Variants in GRIN2B observed in about 807,000 individuals in gnomAD.
GRIN2B encodes the protein glutamate receptor ionotropic, NMDA 2B.
Under a neutral mutation model 114.5 loss-of-function variants are expected in GRIN2B, and 5 were observed. That is an observed-to-expected ratio of 0.04 (90% CI 0.02 to 0.09). The LOEUF (loss-of-function observed/expected upper bound fraction) is 0.09. GRIN2B is among the 10% of genes least tolerant of loss of function. GRIN2B has a pLI of 1.00. For missense variants in GRIN2B, 1,108 were observed against 1,943.5 expected (o/e 0.57, Z 8.08); for synonymous variants, 787 against 745.1 (o/e 1.06, Z -0.92).
At chr12:13,838,981 T>A (rs1338611149) in intron 3 of GRIN2B, among the ~76,000 whole-genome samples, 1 of 152,140 alleles carries the variant, frequency 6.6e-6, no homozygotes, top group East Asian at 1.9e-4. Flanking sequence ...CAGATAGCAG[T>A]CATTTAGCAA....
chr12:13,908,441 T>G (rs557782370), intron 2 of GRIN2B, among the ~76,000 whole-genome samples: 3 of 152,290 alleles, frequency 2.0e-5, no homozygotes, highest in Non-Finnish European at 2.9e-5. Flanking sequence ...ATACTAATAT[T>G]GTCCCATATT....
intron 13 of GRIN2B, among the ~76,000 whole-genome samples, chr12:13,566,732 A>G (rs1174427088): frequency 6.6e-6 from 1 of 152,268 alleles, no homozygotes; most frequent in African/African-American, 2.4e-5. Flanking sequence ...GTGATGAAAG[A>G]CATTTGGTAA....
intron 4 of GRIN2B, among the ~76,000 whole-genome samples, chr12:13,722,621 T>C (rs887559106): frequency 6.6e-6 from 1 of 152,044 alleles, no homozygotes; most frequent in Non-Finnish European, 1.5e-5. Context: ...GAGTGCTACT[T>C]ATAGAAAAGA....
At chr12:13,628,441 T>C (rs1183951784) in intron 5 of GRIN2B, among the ~76,000 whole-genome samples, 1 of 152,212 alleles carries the variant, frequency 6.6e-6, no homozygotes, top group Non-Finnish European at 1.5e-5. Context: ...ATTTCAAGTG[T>C]TTTCAATATG....
intron 10 of GRIN2B, among the ~76,000 whole-genome samples, chr12:13,605,552 G>GACAC (rs66916614): frequency 0.18 from 23,603 of 129,402 alleles, 3,516 homozygotes; most frequent in African/African-American, 0.41. Context: ...CTCTCTCTCT[G>GACAC]ACACACACAC....
intron 10 of GRIN2B, among the ~76,000 whole-genome samples, chr12:13,575,202 G>C (rs1948759668): frequency 6.6e-6 from 1 of 152,236 alleles, no homozygotes; most frequent in East Asian, 1.9e-4. Context: ...CGATAAATTG[G>C]AGTTCATAAA....
intron 5 of GRIN2B, among the ~76,000 whole-genome samples, chr12:13,619,414 G>C (rs1949489457): frequency 6.6e-6 from 1 of 152,168 alleles, no homozygotes; most frequent in Non-Finnish European, 1.5e-5. Flanking sequence ...ACCTTGCTCT[G>C]TGTTCATCAT....
chr12:13,639,617 A>G (rs1949695513), intron 5 of GRIN2B, among the ~76,000 whole-genome samples: 1 of 152,112 alleles, frequency 6.6e-6, no homozygotes, highest in East Asian at 1.9e-4. Flanking sequence ...CCCAGTACTC[A>G]AGGAAGATTG....
At chr12:13,909,234 AGAAGAT>A (rs1866592356) in intron 2 of GRIN2B, among the ~76,000 whole-genome samples, 2 of 152,230 alleles carry the variant, frequency 1.3e-5, no homozygotes, top group Non-Finnish European at 2.9e-5. Context: ...TTACATGTAT[AGAAGAT>A]CATATGCTAA....
At chr12:13,738,309 G>A (rs1041660201) in intron 4 of GRIN2B, among the ~76,000 whole-genome samples, 1 of 152,152 alleles carries the variant, frequency 6.6e-6, no homozygotes, top group African/African-American at 2.4e-5. Flanking sequence ...ATTTAGCAAA[G>A]CATCAATTTC....
chr12:13,840,526 G>A (rs1865359773), intron 3 of GRIN2B, among the ~76,000 whole-genome samples: 1 of 151,816 alleles, frequency 6.6e-6, no homozygotes, highest in Non-Finnish European at 1.5e-5. Flanking sequence ...TATATAAAAT[G>A]GGAGTAATAA....
chr12:13,811,729 G>A (rs563775996), intron 3 of GRIN2B, among the ~76,000 whole-genome samples: 91 of 152,298 alleles, frequency 6.0e-4, no homozygotes, highest in African/African-American at 2.1e-3. Flanking sequence ...AACATTCCAG[G>A]CTTAATATAT....
At chr12:13,640,850 A>C (rs934058027) in intron 5 of GRIN2B, among the ~76,000 whole-genome samples, 2 of 152,056 alleles carry the variant, frequency 1.3e-5, no homozygotes, top group African/African-American at 4.8e-5. Context: ...AAGTAACCAG[A>C]AGATAATGAG....
At chr12:13,961,624 C>A (rs749159323) in intron 2 of GRIN2B, among the ~76,000 whole-genome samples, 2 of 152,178 alleles carry the variant, frequency 1.3e-5, no homozygotes, top group Non-Finnish European at 2.9e-5. Flanking sequence ...AGACTAAGTT[C>A]TTTCCCTCTG....
chr12:13,948,438 T>G (rs375377153), intron 2 of GRIN2B, among the ~76,000 whole-genome samples: 40 of 152,324 alleles, frequency 2.6e-4, no homozygotes, highest in African/African-American at 9.6e-4. Context: ...TATTTTTCTT[T>G]GCTAGAGATA....
At position 13,789,281 on chromosome 12, in the gene GRIN2B, C is replaced by T. The variant is rs117502818; in HGVS notation, c.412-35366G>A. 6.7e-4 allele frequency among the ~76,000 whole-genome samples: 102 copies of T among 152,332 alleles called. 1 individual carries two copies. In the Middle Eastern group the frequency reaches 0.01, roughly 15 times the overall value. On this transcript the variant is annotated intron_variant, in intron 3 of 13. Coordinates refer to ENST00000609686, the MANE Select transcript of GRIN2B (RefSeq NM_000834.5). The stretch of plus-strand genomic sequence containing the variant: ...TGCAATAATGGTATCCCATTAACAA[C>T]TGAGATCTTAAGAGGCAATAACTGC...
chr12:13,582,121 T>G (rs1948861156), intron 10 of GRIN2B, among the ~76,000 whole-genome samples: 1 of 152,178 alleles, frequency 6.6e-6, no homozygotes, highest in African/African-American at 2.4e-5. Flanking sequence ...TCTCAAAACA[T>G]GGGGCCTGGA....
At chr12:13,660,600 G>A (rs1338442730) in intron 5 of GRIN2B, among the ~76,000 whole-genome samples, 1 of 152,154 alleles carries the variant, frequency 6.6e-6, no homozygotes, top group Non-Finnish European at 1.5e-5. Flanking sequence ...AGGTTCACTA[G>A]AGCTTTGTGG....
chr12:13,773,017 C>T (rs1345859695), intron 3 of GRIN2B, among the ~76,000 whole-genome samples: 1 of 152,156 alleles, frequency 6.6e-6, no homozygotes, highest in Non-Finnish European at 1.5e-5. Flanking sequence ...GTGGATTTCA[C>T]ACTCCAACAC....
Sources: gnomAD v4.1 joint callset for allele counts (sites outside exome capture counted in the v4.1 genomes callset) on GRCh38, gnomAD v4.1.1 for gene constraint, MANE v1.5 for transcripts, NCBI Gene and HGNC (gene_info 2026-07-23, HGNC 2026-07-21) for gene names.